DPP6: variants seen among roughly 807,000 people sequenced by gnomAD.
DPP6 encodes the protein dipeptidyl peptidase like 6, also known as A-type potassium channel modulatory protein DPP6.
DPP6 carries 69 observed loss-of-function variants against 122.6 expected under a neutral mutation model. That is an observed-to-expected ratio of 0.56 (90% CI 0.46 to 0.69). The LOEUF (loss-of-function observed/expected upper bound fraction) is 0.69, where lower values mean the gene tolerates loss of function less well. Ranked by LOEUF, DPP6 falls within the 30% of genes least tolerant of loss-of-function variation. The pLI is 0.00. For synonymous variants in DPP6, 418 were observed against 433.1 expected (o/e 0.97, Z 0.43); for missense variants, 928 against 1,116.9 (o/e 0.83, Z 2.41).
intron 1 of DPP6, among the ~76,000 whole-genome samples, chr7:153,966,609 TTAA>T (rs202093709): frequency 0.16 from 12,597 of 81,032 alleles, 2,724 homozygotes; most frequent in East Asian, 0.32. Context: ...CCCTTTTTTT[TTAA>T]AAAATTATAC....
upstream of DPP6, among the ~76,000 whole-genome samples, chr7:153,886,112 T>TACACACACACACACACACACACAC (rs60245538): frequency 5.7e-5 from 8 of 140,338 alleles, no homozygotes; most frequent in African/African-American, 1.1e-4. Context: ...GGCACGCCCT[T>TACACACACACACACACACACACAC]ACACACACAC....
At chr7:154,026,064 C>T (rs1317600479) in intron 1 of DPP6, among the ~76,000 whole-genome samples, 1 of 147,850 alleles carries the variant, frequency 6.8e-6, no homozygotes, top group African/African-American at 2.5e-5. Context: ...TGACTTTATC[C>T]TAACAATGTA....
At chr7:154,526,682 G>T (rs1827430888) in intron 3 of DPP6, among the ~76,000 whole-genome samples, 1 of 152,204 alleles carries the variant, frequency 6.6e-6, no homozygotes, top group African/African-American at 2.4e-5. Context: ...TTTCCTGAAA[G>T]AAACTGGCAG....
chr7:154,788,790 G>T (rs1215700732), intron 10 of DPP6, among the ~76,000 whole-genome samples: 3 of 152,094 alleles, frequency 2.0e-5, no homozygotes, highest in Admixed American at 2.0e-4. Flanking sequence ...AGCCACTCTG[G>T]TTTCTCTGTA....
chr7:154,168,073 G>A (rs991271101), intron 1 of DPP6, among the ~76,000 whole-genome samples: 1 of 152,172 alleles, frequency 6.6e-6, no homozygotes, highest in Admixed American at 6.5e-5. Context: ...GGACAGATGG[G>A]TGGCTGAAGA....
the DPP6 span, among the ~76,000 whole-genome samples, chr7:153,776,354 A>G: frequency 6.6e-6 from 1 of 152,070 alleles, no homozygotes. Context: ...GTGATAGTGA[A>G]TGAGTCCTCC....
intron 1 of DPP6, among the ~76,000 whole-genome samples, chr7:154,415,558 C>A (rs1816951688): frequency 6.6e-6 from 1 of 151,904 alleles, no homozygotes; most frequent in South Asian, 2.1e-4. Flanking sequence ...ACATTAAGAT[C>A]CTGTTTAAAG....
At chr7:153,966,155 G>A (rs1206207846) in intron 1 of DPP6, among the ~76,000 whole-genome samples, 4 of 119,926 alleles carry the variant, frequency 3.3e-5, no homozygotes, top group Admixed American at 2.9e-4. Flanking sequence ...TCGTGGCGTT[G>A]AAAAGCTTCT....
chr7:154,882,940 T>C (rs1805518541), intron 21 of DPP6, among the ~76,000 whole-genome samples: 1 of 152,130 alleles, frequency 6.6e-6, no homozygotes, highest in South Asian at 2.1e-4. Context: ...GACCTGCGCT[T>C]CACGGTCTCA....
intron 1 of DPP6, among the ~76,000 whole-genome samples, chr7:154,272,212 G>A (rs1276588844): frequency 6.6e-6 from 1 of 152,168 alleles, no homozygotes; most frequent in Non-Finnish European, 1.5e-5. Flanking sequence ...AGACCTGCCT[G>A]CTCCATCCAT....
chr7:153,905,265 G>A (rs773337910), intron 1 of DPP6, among the ~76,000 whole-genome samples: 17 of 152,158 alleles, frequency 1.1e-4, no homozygotes, highest in Non-Finnish European at 2.1e-4. Context: ...GATCTGGTTC[G>A]TATGATTATG....
chr7:154,156,292 C>A (rs988358805), intron 1 of DPP6, among the ~76,000 whole-genome samples: 3 of 152,248 alleles, frequency 2.0e-5, no homozygotes, highest in African/African-American at 7.2e-5. Context: ...ACAGTGCTGG[C>A]CTGTTCATTT....
Position 154,036,010 on chromosome 7 carries a change from G to GCGCGCA in DPP6, c.51+148281_51+148282insACGCGC, listed in dbSNP as rs1311054212. ...GAGAATGATGAATGGCCAGGATTACGCGCGCGCGCTTGTGTGTGTGTGTGT... is the reference window on the plus strand; with the variant it reads ...GAGAATGATGAATGGCCAGGATTACGCGCGCACGCGCGCGCTTGTGTGTGTGTGTGT... On this transcript the variant is annotated intron_variant, in intron 1 of 25. Transcript: ENST00000404039. Among the ~76,000 whole-genome samples the GCGCGCA allele has an allele frequency of 1.8e-3, 17 of 9,194 alleles. No homozygotes were observed. The East Asian group carries it at 0.029, about 15-fold the overall frequency. 6.0% of individuals were successfully genotyped at this position (9,194 alleles called of 152,430 possible). A position where few individuals can be genotyped will look rare whatever the true frequency, so the allele number is the denominator to read the frequency against.
chr7:154,776,945 G>A (rs1796613038), intron 10 of DPP6, among the ~76,000 whole-genome samples: 1 of 152,228 alleles, frequency 6.6e-6, no homozygotes, highest in East Asian at 1.9e-4. Flanking sequence ...CACGAACCAA[G>A]AGGAAGGGAG....
rs1025281658 is a variant in DPP6, at chr7:154,604,833, T to C, written c.628-32988T>C. Among the ~76,000 whole-genome samples, 2 of 120,278 alleles carry C rather than the reference T, an allele frequency of 1.7e-5. 1 individual carries two copies. Among genetic ancestry groups the C allele is most frequent in the African/African-American group, 5.3e-5 (2 of 37,938 alleles). The allele number at this position is 120,278 out of a possible 152,430, so 78.9% of individuals were successfully genotyped here. Reference sequence around the variant, plus strand: ...TATGGACATTTGTAAACAATGACGGTTTTGTTTCTCCCCGTCCTTGCCTAT... The same window carrying C: ...TATGGACATTTGTAAACAATGACGGCTTTGTTTCTCCCCGTCCTTGCCTAT... On this transcript the variant is annotated intron_variant, in intron 5 of 25. Transcript: ENST00000377770.
chr7:153,790,071 A>T, the DPP6 span, among the ~76,000 whole-genome samples: 2 of 152,172 alleles, frequency 1.3e-5, no homozygotes, highest in Non-Finnish European at 2.9e-5. Flanking sequence ...CAAAATGAAT[A>T]ATTTCAGTAA....
At chr7:153,833,126 G>T in the DPP6 span, among the ~76,000 whole-genome samples, 1 of 152,158 alleles carries the variant, frequency 6.6e-6, no homozygotes, top group Non-Finnish European at 1.5e-5. Flanking sequence ...TCATGGCAAT[G>T]CGAAAATGTT....
intron 1 of DPP6, among the ~76,000 whole-genome samples, chr7:154,389,332 C>T (rs1814407392): frequency 6.6e-6 from 1 of 152,104 alleles, no homozygotes; most frequent in Non-Finnish European, 1.5e-5. Flanking sequence ...AAAGATTAAT[C>T]GTGCCTTGAA....
chr7:154,107,691 A>G (rs1031160801), intron 1 of DPP6, among the ~76,000 whole-genome samples: 2 of 152,198 alleles, frequency 1.3e-5, no homozygotes, highest in Admixed American at 1.3e-4. Flanking sequence ...GAATATATGT[A>G]ATTATTATTT....
Sources: allele counts gnomAD v4.1 joint callset (sites outside exome capture counted in the v4.1 genomes callset), GRCh38; gene constraint gnomAD v4.1.1; transcripts MANE v1.5; gene names NCBI Gene and HGNC (gene_info 2026-07-23, HGNC 2026-07-21).